Variants in REDIC1 observed in about 807,000 individuals in gnomAD.
The protein encoded by REDIC1 is regulator of DNA class I crossover intermediates 1, also known as HEI10 Interacting Protein 1.
chr12:39,903,894 A>G, the REDIC1 span, among the ~76,000 whole-genome samples: 3 of 152,130 alleles, frequency 2.0e-5, no homozygotes, highest in African/African-American at 7.2e-5. Context: ...GAAGCAGCCT[A>G]TCAAACTGGA....
chr12:39,711,214 C>T, the REDIC1 span, among the ~76,000 whole-genome samples: 12 of 149,122 alleles, frequency 8.0e-5, no homozygotes, highest in African/African-American at 1.5e-4. Context: ...TTTATGGCTG[C>T]GTTTTTAATC....
At chr12:39,769,673 T>G in the REDIC1 span, among the ~76,000 whole-genome samples, 2 of 151,984 alleles carry the variant, frequency 1.3e-5, no homozygotes, top group African/African-American at 4.8e-5. Flanking sequence ...CAATATCTCT[T>G]CTTTTCCTGC....
chr12:39,807,935 G>A, the REDIC1 span, among the ~76,000 whole-genome samples: 1 of 152,098 alleles, frequency 6.6e-6, no homozygotes, highest in African/African-American at 2.4e-5. Context: ...AATTTTGTAT[G>A]CTATAATTCT....
the REDIC1 span, among the ~76,000 whole-genome samples, chr12:39,842,085 A>T: frequency 6.6e-6 from 1 of 152,120 alleles, no homozygotes; most frequent in Non-Finnish European, 1.5e-5. Flanking sequence ...GCAAGGTCAC[A>T]TAACTGAAAT....
the REDIC1 span, among the ~76,000 whole-genome samples, chr12:39,767,893 C>G: frequency 6.6e-6 from 1 of 152,082 alleles, no homozygotes; most frequent in Admixed American, 6.6e-5. Flanking sequence ...GCTTCCCCTT[C>G]CTCCATGATT....
the REDIC1 span, among the ~76,000 whole-genome samples, chr12:39,797,725 TAA>T: frequency 2.0e-5 from 2 of 100,226 alleles, no homozygotes; most frequent in African/African-American, 7.7e-5. Flanking sequence ...CCAGTTATGG[TAA>T]ACACACACAC....
the REDIC1 span, chr12:39,682,920 A>G: frequency 3.0e-5 from 49 of 1,612,502 alleles, no homozygotes; most frequent in South Asian, 4.3e-4. Context: ...ATACTTGTGT[A>G]GTCACTAGTT....
the REDIC1 span, among the ~76,000 whole-genome samples, chr12:39,675,259 C>T: frequency 3.3e-5 from 5 of 152,284 alleles, no homozygotes; most frequent in African/African-American, 1.2e-4. Flanking sequence ...ACAGTGGCTG[C>T]AGCAAGCACT....
At chr12:39,687,836 G>C in the REDIC1 span, among the ~76,000 whole-genome samples, 1 of 152,260 alleles carries the variant, frequency 6.6e-6, no homozygotes, top group South Asian at 2.1e-4. Flanking sequence ...AACAGTGCTA[G>C]GAAGTTTATG....
At chr12:39,631,399 A>T in the REDIC1 span, among the ~76,000 whole-genome samples, 1 of 152,142 alleles carries the variant, frequency 6.6e-6, no homozygotes, top group Non-Finnish European at 1.5e-5. Context: ...TGATATTCAG[A>T]TATATTGGAA....
chr12:39,637,738 A>T, the REDIC1 span, among the ~76,000 whole-genome samples: 1 of 152,044 alleles, frequency 6.6e-6, no homozygotes, highest in African/African-American at 2.4e-5. Flanking sequence ...ACTACTAGGG[A>T]TTCATTGGCA....
the REDIC1 span, chr12:39,764,873 AAT>A: frequency 6.2e-7 from 1 of 1,609,378 alleles, no homozygotes; most frequent in Non-Finnish European, 8.5e-7. Flanking sequence ...AAAATAATGC[AAT>A]ATAAGTATTA....
chr12:39,770,730 A>G, the REDIC1 span, among the ~76,000 whole-genome samples: 2 of 152,158 alleles, frequency 1.3e-5, no homozygotes, highest in Non-Finnish European at 2.9e-5. Flanking sequence ...TGACATTTCT[A>G]TTTTAGTTAA....
the REDIC1 span, among the ~76,000 whole-genome samples, chr12:39,738,659 C>G: frequency 6.6e-6 from 1 of 152,088 alleles, no homozygotes; most frequent in African/African-American, 2.4e-5. Context: ...TGTACTGACA[C>G]CTTATTATGT....
At chr12:39,830,277 T>G in the REDIC1 span, 1 of 1,593,146 alleles carries the variant, frequency 6.3e-7, no homozygotes, top group Non-Finnish European at 8.6e-7. Flanking sequence ...CAACTGGTGC[T>G]CACCATATAC....
At chr12:39,801,482 C>T in the REDIC1 span, among the ~76,000 whole-genome samples, 1 of 152,030 alleles carries the variant, frequency 6.6e-6, no homozygotes, top group Non-Finnish European at 1.5e-5. Context: ...GACCTCATGA[C>T]ATAGTCTAAT....
the REDIC1 span, among the ~76,000 whole-genome samples, chr12:39,639,447 G>A: frequency 1.3e-5 from 2 of 151,978 alleles, no homozygotes; most frequent in Non-Finnish European, 2.9e-5. Context: ...TATTCAATAA[G>A]TAGCAAAGTC....
the REDIC1 span, among the ~76,000 whole-genome samples, chr12:39,697,763 C>CA: frequency 6.6e-6 from 1 of 151,520 alleles, no homozygotes; most frequent in Admixed American, 6.6e-5. Flanking sequence ...AACAGATACA[C>CA]AAAAAATAAA....
chr12:39,883,213 AT>A, the REDIC1 span, among the ~76,000 whole-genome samples: 1 of 152,078 alleles, frequency 6.6e-6, no homozygotes, highest in South Asian at 2.1e-4. Flanking sequence ...GATTAAAGAA[AT>A]TTTTTTTAAA....
Sources: gnomAD v4.1 joint callset for allele counts (sites outside exome capture counted in the v4.1 genomes callset) on GRCh38, gnomAD v4.1.1 for gene constraint, MANE v1.5 for transcripts, NCBI Gene and HGNC (gene_info 2026-07-23, HGNC 2026-07-21) for gene names.